Variants in PTPRD observed in about 807,000 individuals in gnomAD.
PTPRD encodes protein tyrosine phosphatase receptor type D.
A neutral mutation model predicts 214.5 loss-of-function variants in PTPRD; 34 were observed. The ratio of observed to expected loss-of-function variants is 0.16; its 90% CI spans 0.12 to 0.21. The LOEUF is 0.21. Among genes scored for constraint, PTPRD ranks in the 10% least tolerant of loss-of-function variants. PTPRD has a pLI of 1.00. For missense variants in PTPRD, 2,545 were observed against 2,398.7 expected, an observed-to-expected ratio of 1.06 and a Z score of -1.27; for synonymous variants, 1,128 against 845.7, an observed-to-expected ratio of 1.33 and a Z score of -5.79.
In PTPRD at chr9:9,878,253, A is replaced by G. The variant is rs146166714; in HGVS notation, c.-368+60254T>C. On this transcript the variant is annotated intron_variant, in intron 5 of 45. Coordinates refer to ENST00000381196, the MANE Select transcript of PTPRD (RefSeq NM_002839.4). ...CATTCATTTAGTCACATAGGAATAT[A>G]TATGTCATGTACTAGTTATTACATC... 1.2e-4 allele frequency among the ~76,000 whole-genome samples: 19 copies of G among 152,258 alleles called. No homozygotes were observed. The South Asian group carries it at 1.9e-3, about 15-fold the overall frequency.
intron 2 of PTPRD, among the ~76,000 whole-genome samples, chr9:10,357,777 A>G (rs2097304964): frequency 1.3e-5 from 2 of 152,234 alleles, no homozygotes; most frequent in Non-Finnish European, 2.9e-5. Flanking sequence ...GTGCCGGAAT[A>G]GGCACTAAGT....
chr9:9,643,826 C>A (rs576099174), intron 7 of PTPRD, among the ~76,000 whole-genome samples: 1 of 152,230 alleles, frequency 6.6e-6, no homozygotes, highest in Admixed American at 6.5e-5. Context: ...AGTTTCCAAA[C>A]ATAATAAATC....
chr9:10,304,963 C>T (rs1211995683), intron 3 of PTPRD, among the ~76,000 whole-genome samples: 1 of 152,068 alleles, frequency 6.6e-6, no homozygotes, highest in African/African-American at 2.4e-5. Context: ...CAATCCTAAG[C>T]AAAGAGAACA....
At position 8,593,627 on chromosome 9, in the gene PTPRD, C is replaced by T. The variant is rs546790160; in HGVS notation, c.352+39690G>A. On this transcript the variant is annotated intron_variant, in intron 14 of 45. Transcript: ENST00000381196. ...ATATCTTAATAGCAGAAATGTCTCA[C>T]AATTTGATTCTTTATTGGTGTGAAA... Among the ~76,000 whole-genome samples, 13 of 152,264 alleles carry T rather than the reference C, an allele frequency of 8.5e-5. 1 individual carries two copies. The South Asian group carries it at 1.2e-3, about 15-fold the overall frequency.
chr9:10,546,186 T>C (rs2060129850), intron 2 of PTPRD, among the ~76,000 whole-genome samples: 1 of 151,410 alleles, frequency 6.6e-6, no homozygotes, highest in South Asian at 2.1e-4. Context: ...CATAAACAAA[T>C]TACATGTGCA....
At chr9:9,897,435 G>C (rs1018385558) in intron 5 of PTPRD, among the ~76,000 whole-genome samples, 1 of 151,972 alleles carries the variant, frequency 6.6e-6, no homozygotes, top group South Asian at 2.1e-4. Context: ...AGGGAAAGTT[G>C]AACTCTACAG....
At chr9:8,699,900 G>A (rs1305573231) in intron 12 of PTPRD, among the ~76,000 whole-genome samples, 1 of 152,036 alleles carries the variant, frequency 6.6e-6, no homozygotes, top group Non-Finnish European at 1.5e-5. Context: ...AACTAAACAT[G>A]GCCATTTTGT....
At chr9:9,235,284 T>A (rs905866566) in intron 9 of PTPRD, among the ~76,000 whole-genome samples, 1 of 152,128 alleles carries the variant, frequency 6.6e-6, no homozygotes, top group African/African-American at 2.4e-5. Context: ...GTCCCTCCCA[T>A]GACAAATGTG....
chr9:10,128,459 C>G (rs1038301348), intron 3 of PTPRD, among the ~76,000 whole-genome samples: 2 of 152,110 alleles, frequency 1.3e-5, no homozygotes, highest in South Asian at 2.1e-4. Context: ...CAACGACTGA[C>G]AGCAAACTAC....
chr9:8,681,539 A>G (rs1356734399), intron 12 of PTPRD, among the ~76,000 whole-genome samples: 2 of 152,216 alleles, frequency 1.3e-5, no homozygotes, highest in East Asian at 1.9e-4. Flanking sequence ...TTTGTCCCTC[A>G]ATCTGTACCT....
At chr9:10,223,631 C>G (rs980062403) in intron 3 of PTPRD, among the ~76,000 whole-genome samples, 1 of 150,340 alleles carries the variant, frequency 6.7e-6, no homozygotes, top group African/African-American at 2.4e-5. Context: ...AATCATGCCA[C>G]TGCACTCCAG....
intron 14 of PTPRD, among the ~76,000 whole-genome samples, chr9:8,597,641 G>A (rs557334198): frequency 6.6e-6 from 1 of 152,098 alleles, no homozygotes; most frequent in East Asian, 1.9e-4. Context: ...CTTTTTGTTG[G>A]GCTCTAAATC....
intron 5 of PTPRD, among the ~76,000 whole-genome samples, chr9:9,897,176 C>T (rs867210875): frequency 1.3e-5 from 2 of 150,364 alleles, no homozygotes; most frequent in African/African-American, 4.9e-5. Context: ...GCTAAACACC[C>T]CCTGGGGGTT....
intron 8 of PTPRD, among the ~76,000 whole-genome samples, chr9:9,461,898 T>A (rs1254332849): frequency 6.6e-6 from 1 of 152,138 alleles, no homozygotes; most frequent in Admixed American, 6.6e-5. Context: ...TTAAATACTA[T>A]CTCCTCAGCT....
intron 39 of PTPRD, among the ~76,000 whole-genome samples, chr9:8,349,380 T>G (rs1028289779): frequency 5.3e-5 from 8 of 152,210 alleles, no homozygotes; most frequent in African/African-American, 1.9e-4. Context: ...CTTCTCCAAT[T>G]TACTCTTTTT....
chr9:9,466,322 A>G (rs1036035230), intron 8 of PTPRD, among the ~76,000 whole-genome samples: 1 of 152,168 alleles, frequency 6.6e-6, no homozygotes, highest in Non-Finnish European at 1.5e-5. Flanking sequence ...ATAAGTAAGT[A>G]AATAATAAAA....
In PTPRD at chr9:9,223,132, C is replaced by A. The variant is rs952475170; in HGVS notation, c.-202-39769G>T. Among the ~76,000 whole-genome samples the A allele has an allele frequency of 2.9e-4, 44 of 151,872 alleles. 1 individual carries two copies. Among genetic ancestry groups the A allele is most frequent in the Non-Finnish European group, 8.8e-5 (6 of 67,948 alleles). On this transcript the variant is annotated intron_variant, in intron 9 of 45. Coordinates refer to ENST00000381196, the MANE Select transcript of PTPRD (RefSeq NM_002839.4). ...AAAGCACTAATACAGTATTATAGAT[C>A]CCCAGCTTGTTTATAATATAGCTCT...
chr9:9,168,662 C>A (rs1248327020), intron 10 of PTPRD, among the ~76,000 whole-genome samples: 1 of 152,024 alleles, frequency 6.6e-6, no homozygotes, highest in Non-Finnish European at 1.5e-5. Flanking sequence ...GACACCACCA[C>A]ATATTTGTTC....
chr9:10,134,555 A>G (rs1291477135), intron 3 of PTPRD, among the ~76,000 whole-genome samples: 2 of 152,130 alleles, frequency 1.3e-5, no homozygotes, highest in African/African-American at 4.8e-5. Context: ...TTTTTCCAGC[A>G]CGCTTCATCT....
Sources: allele counts gnomAD v4.1 joint callset (sites outside exome capture counted in the v4.1 genomes callset), GRCh38; gene constraint gnomAD v4.1.1; transcripts MANE v1.5; gene names NCBI Gene and HGNC (gene_info 2026-07-23, HGNC 2026-07-21).